The following NLRP5 variants were observed in gnomAD, a reference collection of about 807,000 sequenced individuals.
NLRP5 encodes the protein NACHT, LRR and PYD domains-containing protein 5.
A neutral mutation model predicts 113.1 loss-of-function variants in NLRP5; 93 were observed. That is an observed-to-expected ratio of 0.82 (90% CI 0.70 to 0.98). The LOEUF is 0.98. Ranked by LOEUF, NLRP5 falls within the 50% of genes least tolerant of loss-of-function variation. NLRP5 has a pLI of 0.00. For synonymous variants in NLRP5, 751 were observed against 600.7 expected, an observed-to-expected ratio of 1.25 and a Z score of -3.66; for missense variants, 1,808 against 1,514.3, an observed-to-expected ratio of 1.19 and a Z score of -3.22.
At position 56,039,736 on chromosome 19, in the gene NLRP5, A is replaced by T. The variant is rs189638843; in HGVS notation, c.2787-1186A>T. Reference sequence around the variant, plus strand: ...AGACCAGCCTGGCCAACGTGGTGAAACCCCATCTCTACTAAAAATACAAAA... The same window carrying T: ...AGACCAGCCTGGCCAACGTGGTGAATCCCCATCTCTACTAAAAATACAAAA... On this transcript the variant is annotated intron_variant, in intron 10 of 14. Transcript: ENST00000390649. 7.9e-4 allele frequency among the ~76,000 whole-genome samples: 120 copies of T among 151,998 alleles called. 1 individual carries two copies. Among genetic ancestry groups the T allele is most frequent in the African/African-American group, 2.6e-3 (108 of 41,438 alleles).
At chr19:56,001,633 G>C (rs1981655487) in intron 1 of NLRP5, among the ~76,000 whole-genome samples, 1 of 152,114 alleles carries the variant, frequency 6.6e-6, no homozygotes, top group African/African-American at 2.4e-5. Flanking sequence ...TAAGCAAGCA[G>C]AGCCAAAAAT....
Position 56,028,208 on chromosome 19 carries a change from C to A in NLRP5, c.1975C>A (p.Leu659Met). The A allele has an allele frequency of 1.2e-6, 2 of 1,613,934 alleles. No homozygotes were observed. The highest frequency in any genetic ancestry group is 8.5e-7 in the Non-Finnish European group (1 of 1,179,892). Residue 659 changes from leucine to methionine, a missense_variant, in exon 7 of 15, where the codon CTG becomes ATG. Transcript: ENST00000390649. ...GGTCCTGCTGGGCTGTCCCGTTCCC[C>A]TGGGGGTGAAGCAGAAGCTTCTGCA... is the stretch of plus-strand genomic sequence containing the variant.
At position 56,009,710 on chromosome 19, in the gene NLRP5, C is replaced by T. The variant is rs568035914; in HGVS notation, c.508+857C>T. ...GCAGGCTGCATAGACACCATGAATTCTCCTCTGCTACCTGCGCCGCTACCA... is the reference window on the plus strand; with the variant it reads ...GCAGGCTGCATAGACACCATGAATTTTCCTCTGCTACCTGCGCCGCTACCA... On this transcript the variant is annotated intron_variant, in intron 3 of 14. Coordinates refer to ENST00000390649, the MANE Select transcript of NLRP5 (RefSeq NM_153447.4). Among the ~76,000 whole-genome samples the T allele has an allele frequency of 1.9e-4, 29 of 152,282 alleles. No homozygotes were observed. The South Asian group carries it at 5.2e-3, about 27-fold the overall frequency.
At chr19:56,042,452 G>A (rs916664005) in intron 11 of NLRP5, among the ~76,000 whole-genome samples, 2 of 152,076 alleles carry the variant, frequency 1.3e-5, no homozygotes, top group African/African-American at 2.4e-5. Context: ...AGGTTCAAGC[G>A]ATTCTCCTGC....
chr19:56,013,596 G>GTTTTTTTTTTTTTTTTTTTTTGTTTTTT (rs1982290742), intron 3 of NLRP5, among the ~76,000 whole-genome samples: 1 of 59,284 alleles, frequency 1.7e-5, no homozygotes, highest in African/African-American at 8.7e-5. Context: ...GGACATTTGG[G>GTTTTTTTTTTTTTTTTTTTTTGTTTTTT]TTTTTTTTTT....
chr19:56,027,131 G>A lies in NLRP5; in HGVS notation c.898G>A (p.Val300Met), dbSNP rs779785587. The A allele has an allele frequency of 6.3e-6, 10 of 1,595,010 alleles. No homozygotes were observed. Among genetic ancestry groups the A allele is most frequent in the South Asian group, 4.6e-5 (4 of 87,782 alleles). Residue 300 changes from valine (V) to methionine (M), a missense_variant, in exon 7 of 15, where the codon GTG becomes ATG. By Grantham distance (21) the Val-to-Met change is conservative. Transcript: ENST00000390649. ...GAAATCGGCTCTAGCCAGAAGGATC[G>A]TGCTGTGCTGGGCGCAAGGTGGACT...
At chr19:56,015,904 C>T (rs1007898770) in intron 4 of NLRP5, 106 bp downstream of exon 4, 15 of 787,332 alleles carry the variant, frequency 1.9e-5, no homozygotes, top group Middle Eastern at 2.4e-4. Context: ...CTTTCTTCAT[C>T]CTCATTTGTC....
In NLRP5 at chr19:56,032,768, A is replaced by T; in HGVS notation, c.2434A>T (p.Ile812Leu). 1 of 1,609,572 alleles carries T rather than the reference A, an allele frequency of 6.2e-7. No homozygotes were observed. The highest frequency in any genetic ancestry group is 8.5e-7 in the Non-Finnish European group (1 of 1,178,378). ...CAAGCTGAGGCATCCCACCTGCAAG[A>T]TACAGACCCTGATGTAAGGCTGCCC... Residue 812 changes from isoleucine (I) to leucine (L), a missense_variant, in exon 8 of 15, where the codon ATA (isoleucine) becomes TTA (leucine). Coordinates refer to ENST00000390649, the MANE Select transcript of NLRP5 (RefSeq NM_153447.4).
chr19:56,015,536 C>G (rs1268976075), intron 3 of NLRP5, among the ~76,000 whole-genome samples: 1 of 152,156 alleles, frequency 6.6e-6, no homozygotes, highest in Non-Finnish European at 1.5e-5. Context: ...TATAGAAATA[C>G]TTTTGATTTT....
At chr19:56,046,775 G>T (rs528118901) in intron 11 of NLRP5, among the ~76,000 whole-genome samples, 96 of 152,200 alleles carry the variant, frequency 6.3e-4, no homozygotes, top group Non-Finnish European at 1.1e-3. Flanking sequence ...CTCGTGATCT[G>T]CCCGCCTCGG....
intron 12 of NLRP5, 40 bp downstream of exon 12, chr19:56,050,628 G>A (rs779362082): frequency 1.3e-6 from 2 of 1,575,400 alleles, no homozygotes. Flanking sequence ...CTATCATACT[G>A]GGGTCTGGAG....
Position 56,038,169 on chromosome 19 carries a change from C to T in NLRP5, c.2760C>T (p.Val920=). 1.2e-6 allele frequency: 2 copies of T among 1,613,930 alleles called. No homozygotes were observed. The highest frequency in any genetic ancestry group is 1.1e-5 in the South Asian group (1 of 91,076). ...TGCCTCTCAGTGATGCCTTGAGAGT[C>T]TCCCAGTGCGCCCTGCAGAAGCTGA... is the stretch of plus-strand genomic sequence containing the variant. The change falls in exon 10 of 15, where the codon GTC becomes GTT. Residue 920 remains valine (V), a synonymous_variant. Transcript: ENST00000390649.
At chr19:55,992,166 A>T in the NLRP5 span, among the ~76,000 whole-genome samples, 1 of 152,160 alleles carries the variant, frequency 6.6e-6, no homozygotes, top group African/African-American at 2.4e-5. Context: ...GATGGCCCCC[A>T]GTTCCATCCA....
intron 3 of NLRP5, 130 bp downstream of exon 3, chr19:56,008,983 G>C (rs1296793503): frequency 3.8e-6 from 3 of 784,572 alleles, no homozygotes; most frequent in African/African-American, 1.7e-5. Flanking sequence ...CCCTACATTA[G>C]CTGACCGGAT....
chr19:56,041,793 C>CA (rs1191448696), intron 11 of NLRP5, among the ~76,000 whole-genome samples: 4 of 151,894 alleles, frequency 2.6e-5, no homozygotes, highest in African/African-American at 9.7e-5. Flanking sequence ...ACTAAAAATA[C>CA]AAAAAATTAG....
At chr19:56,013,602 T>C (rs1379372722) in intron 3 of NLRP5, among the ~76,000 whole-genome samples, 2 of 131,900 alleles carry the variant, frequency 1.5e-5, no homozygotes, top group Non-Finnish European at 3.2e-5. Context: ...TTGGGTTTTT[T>C]TTTTTTTTTT....
chr19:56,005,220 T>C (rs1289829814), intron 2 of NLRP5, among the ~76,000 whole-genome samples: 1 of 145,576 alleles, frequency 6.9e-6, no homozygotes, highest in African/African-American at 2.5e-5. Flanking sequence ...TACACACATA[T>C]ACACATATAT....
At chr19:55,998,686 A>ATATATATGTGTGTGTGTG (rs1981438026), upstream of NLRP5, among the ~76,000 whole-genome samples, 2 of 47,542 alleles carry the variant, frequency 4.2e-5, no homozygotes, top group African/African-American at 1.7e-4. Context: ...ATATATATAT[A>ATATATATGTGTGTGTGTG]TATATATATA....
At chr19:56,026,576 G>T (rs1007880916) in intron 6 of NLRP5, among the ~76,000 whole-genome samples, 2 of 143,608 alleles carry the variant, frequency 1.4e-5, no homozygotes, top group Non-Finnish European at 3.0e-5. Context: ...TTTGTTTCCC[G>T]ATTTATTTTT....
Sources: allele counts gnomAD v4.1 joint callset (sites outside exome capture counted in the v4.1 genomes callset), GRCh38; gene constraint gnomAD v4.1.1; transcripts MANE v1.5; gene names NCBI Gene and HGNC (gene_info 2026-07-23, HGNC 2026-07-21).